RFX5: variants seen among roughly 807,000 people sequenced by gnomAD.
The protein encoded by RFX5 is DNA-binding protein RFX5.
Under a neutral mutation model 41.2 loss-of-function variants are expected in RFX5, and 30 were observed. That is an observed-to-expected ratio of 0.73 (90% CI 0.54 to 0.99). The LOEUF (loss-of-function observed/expected upper bound fraction) is 0.99. Ranked by LOEUF, RFX5 falls within the 50% of genes least tolerant of loss-of-function variation. RFX5 has a pLI of 0.00. For missense variants in RFX5, 715 were observed against 773.6 expected, an observed-to-expected ratio of 0.92 and a Z score of 0.90; for synonymous variants, 231 against 291.8, an observed-to-expected ratio of 0.79 and a Z score of 2.12.
Position 151,342,835 on chromosome 1 carries a change from G to T in RFX5, c.1202C>A (p.Ala401Asp), listed in dbSNP as rs754036790. 1.2e-6 allele frequency: 2 copies of T among 1,613,978 alleles called. No homozygotes were observed. Among genetic ancestry groups the T allele is most frequent in the East Asian group, 4.5e-5 (2 of 44,894 alleles). The change falls in exon 11 of 11, where the codon GCT becomes GAT. Residue 401 changes from alanine to aspartate, a missense_variant. Physicochemically the swap from Ala to Asp is moderately radical, Grantham distance 126. Coordinates refer to ENST00000452671, the MANE Select transcript of RFX5 (RefSeq NM_001025603.2). ...LPGPGPGPGR[A>D]PPGGLTQPRG... ...GGGCTGAGTGAGTCCCCCAGGTGGAGCTCGCCCAGGCCCAGGTCCAGGTCC... is the reference window on the plus strand; with the variant it reads ...GGGCTGAGTGAGTCCCCCAGGTGGATCTCGCCCAGGCCCAGGTCCAGGTCC...
In RFX5 at chr1:151,342,220, T is replaced by C; in HGVS notation, c.1817A>G (p.Gln606Arg). The change falls in exon 11 of 11, where the codon CAG becomes CGG. Residue 606 changes from glutamine (Q) to arginine (R), a missense_variant. Physicochemically the swap from Gln to Arg is conservative, Grantham distance 43 (BLOSUM62 1). Transcript: ENST00000452671. ...TGTTGCTTTTGGGTCTTTATGCTCC[T>C]GGGATAAGGAACTTTGAAGCACATG... ...KEHVLQSSLSQEHKDPKATPP is the reference protein window; with the variant it reads ...KEHVLQSSLSREHKDPKATPP The C allele has an allele frequency of 6.2e-7, 1 of 1,614,230 alleles. No homozygotes were observed.
At chr1:151,345,359 C>T (rs2102068488) in intron 4 of RFX5, 171 bp from the exon 5 acceptor site, 1 of 578,086 alleles carries the variant, frequency 1.7e-6, no homozygotes, top group East Asian at 3.5e-5. Flanking sequence ...CCTACAATCC[C>T]AGCACTTTGG....
chr1:151,343,005 GATTGGCGGA>G lies in RFX5; in HGVS notation c.1023_1031del (p.Pro343_Pro345del), dbSNP rs1365912537. 7 of 1,613,804 alleles carry G rather than the reference GATTGGCGGA, an allele frequency of 4.3e-6. No homozygotes were observed. The highest frequency in any genetic ancestry group is 5.9e-6 in the Non-Finnish European group (7 of 1,179,910). ...GGGCCAGAATAGGTGGAGAGACTGG[GATTGGCGGA>G]ATTAGTGAGCGAGGGGCCCGGGGAA... On this transcript the variant is annotated inframe_deletion, in exon 11 of 11. Coordinates refer to ENST00000452671, the MANE Select transcript of RFX5 (RefSeq NM_001025603.2).
Position 151,342,531 on chromosome 1 carries a change from T to C in RFX5, c.1506A>G (p.Thr502=). Residue 502 remains threonine, a synonymous_variant, in exon 11 of 11, where the codon ACA becomes ACG. Coordinates refer to ENST00000452671, the MANE Select transcript of RFX5 (RefSeq NM_001025603.2). ...AGTTGCCTTCCCCTCCTGAGCCCCATGTCTCCCATGGTAACCTTGAGGACT... is the reference window on the plus strand; with the variant it reads ...AGTTGCCTTCCCCTCCTGAGCCCCACGTCTCCCATGGTAACCTTGAGGACT... ...SAQSSRLPWE[T]WGSGGEGNSA... is the part of the protein sequence containing the mutation. The C allele has an allele frequency of 1.9e-6, 3 of 1,614,122 alleles. No homozygotes were observed. The East Asian group carries it at 6.7e-5, about 36-fold the overall frequency.
At chr1:151,343,503 G>T (rs1310085808) in intron 9 of RFX5, 61 bp from the exon 10 acceptor site, 13 of 1,531,318 alleles carry the variant, frequency 8.5e-6, no homozygotes, top group Non-Finnish European at 1.1e-5. Flanking sequence ...GAATAGGGGA[G>T]TGAGGCAATT....
intron 3 of RFX5, 57 bp from the exon 4 acceptor site, chr1:151,346,018 T>TG (rs773563244): frequency 6.2e-7 from 1 of 1,613,402 alleles, no homozygotes; most frequent in Non-Finnish European, 8.5e-7. Flanking sequence ...TGTCTCTTTA[T>TG]CTGACTGCTA....
intron 6 of RFX5, 25 bp downstream of exon 6, chr1:151,344,703 T>TCCCCCCCCCCCCCCCCCCCCCCC: frequency 6.6e-7 from 1 of 1,515,660 alleles, no homozygotes; most frequent in Non-Finnish European, 8.9e-7. Flanking sequence ...AATCCACTCA[T>TCCCCCCCCCCCCCCCCCCCCCCC]CCCACCACCC....
chr1:151,344,150 T>C, intron 8 of RFX5, 47 bp downstream of exon 8: 2 of 1,593,090 alleles, frequency 1.3e-6, no homozygotes, highest in Non-Finnish European at 1.7e-6. Context: ...ACCTCTGACT[T>C]TTACCTGGGA....
At chr1:151,345,670 T>C (rs936077247) in intron 4 of RFX5, among the ~76,000 whole-genome samples, 2 of 151,370 alleles carry the variant, frequency 1.3e-5, no homozygotes, top group African/African-American at 2.4e-5. Flanking sequence ...AGGAGCCCTA[T>C]AGGCTACCAT....
chr1:151,346,763 A>G (rs1243097806), intron 1 of RFX5, 157 bp from the exon 2 acceptor site: 1 of 202,492 alleles, frequency 4.9e-6, no homozygotes, highest in East Asian at 1.3e-4. Context: ...ACCATTGCAT[A>G]TGCCTGGGAG....
At position 151,344,717 on chromosome 1, in the gene RFX5, C is replaced by T. The variant is rs780570991; in HGVS notation, c.353+11G>A. On this transcript the variant is annotated intron_variant, in intron 6 of 10. Transcript: ENST00000452671. Reference sequence around the variant, plus strand: ...CAATCCACTCATCCCACCACCCACCCCTCCACCCACCGATAGGCATCATAA... The same window carrying T: ...CAATCCACTCATCCCACCACCCACCTCTCCACCCACCGATAGGCATCATAA... 1 of 1,556,868 alleles carries T rather than the reference C, an allele frequency of 6.4e-7. No individual in the cohort carries two copies. The highest frequency in any genetic ancestry group is 1.4e-5 in the African/African-American group (1 of 73,396).
At chr1:151,346,137 A>G (rs1651030496) in intron 3 of RFX5, 68 bp downstream of exon 3, 2 of 1,569,634 alleles carry the variant, frequency 1.3e-6, no homozygotes, top group Non-Finnish European at 1.8e-6. Context: ...ATCTACAGCC[A>G]AAGTGAAGTG....
rs1333519063 is a variant in RFX5, at chr1:151,341,498, T to C, written c.*688A>G. On this transcript the variant is annotated 3_prime_UTR_variant, in exon 11 of 11. Coordinates refer to ENST00000452671, the MANE Select transcript of RFX5 (RefSeq NM_001025603.2). ...TTTTCCCCAAAGGTGTTGTCCATGA[T>C]ATAGAATAAGCAAATTAGCATGTAT... 1 of 157,484 alleles carries C rather than the reference T, an allele frequency of 6.3e-6. No homozygotes were observed. The highest frequency in any genetic ancestry group is 1.4e-5 in the Non-Finnish European group (1 of 71,322). 9.8% of individuals were successfully genotyped at this position (157,484 alleles called of 1,614,324 possible).
chr1:151,347,108 A>G (rs918174407), intron 1 of RFX5, 103 bp downstream of exon 1: 3 of 152,334 alleles, frequency 2.0e-5, no homozygotes, highest in Non-Finnish European at 2.9e-5. Context: ...TACAGCTACA[A>G]TCTTTTTCTG....
In RFX5 at chr1:151,345,178, T is replaced by C; in HGVS notation, c.161A>G (p.Gln54Arg). Reference sequence around the variant, plus strand: ...CAGCTTGTCATTGTCAGAAAATTTCTGTACATCTTGCTGAGGTAGGAGAGA... The same window carrying C: ...CAGCTTGTCATTGTCAGAAAATTTCCGTACATCTTGCTGAGGTAGGAGAGA... ...NKVEGILQDV[Q>R]KFSDNDKLYL... Residue 54 changes from glutamine to arginine, a missense_variant, in exon 5 of 11, where the codon CAG (glutamine) becomes CGG (arginine). Transcript: ENST00000452671. The C allele has an allele frequency of 6.2e-7, 1 of 1,613,786 alleles. No individual in the cohort carries two copies. Among genetic ancestry groups the C allele is most frequent in the Non-Finnish European group, 8.5e-7 (1 of 1,179,706 alleles).
chr1:151,344,076 C>T (rs1650772088), intron 8 of RFX5, 121 bp downstream of exon 8: 7 of 1,166,220 alleles, frequency 6.0e-6, no homozygotes, highest in Non-Finnish European at 8.9e-6. Context: ...CAGAAGGGAA[C>T]ATCATACCTA....
chr1:151,344,294 G>T lies in RFX5; in HGVS notation c.474-16C>A. 2 of 1,614,094 alleles carry T rather than the reference G, an allele frequency of 1.2e-6. No homozygotes were observed. Among genetic ancestry groups the T allele is most frequent in the South Asian group, 1.1e-5 (1 of 91,034 alleles). ...GTAGCAATATCTGATGCAAGTTAAA[G>T]AGCAGCCAACACATGGCGATCTCCA... On this transcript the variant is annotated splice_polypyrimidine_tract_variant and intron_variant, in intron 7 of 10. Coordinates refer to ENST00000452671, the MANE Select transcript of RFX5 (RefSeq NM_001025603.2).
chr1:151,346,351 A>C lies in RFX5; in HGVS notation c.-13-18T>G. The C allele has an allele frequency of 6.3e-7, 1 of 1,598,690 alleles. No individual in the cohort carries two copies. Reference sequence around the variant, plus strand: ...CATGAGGGCTAGAATTGAGAGGGACAGGCATAAAGATGTAACTCACACTGG... The same window carrying C: ...CATGAGGGCTAGAATTGAGAGGGACCGGCATAAAGATGTAACTCACACTGG... On this transcript the variant is annotated intron_variant, in intron 2 of 10. Transcript: ENST00000452671.
chr1:151,342,694 G>A lies in RFX5; in HGVS notation c.1343C>T (p.Ala448Val), dbSNP rs1650570010. The A allele has an allele frequency of 1.2e-6, 2 of 1,614,104 alleles. No individual in the cohort carries two copies. Among genetic ancestry groups the A allele is most frequent in the Admixed American group, 1.7e-5 (1 of 60,002 alleles). ...CTCTATATCCTGCTTTGCTGCTTTA[G>A]CTGGTGGAGCCTGCCCACTGGCCTC... ...VSEASGQAPP[A>V]KAAKQDIEDT... The change falls in exon 11 of 11, where the codon GCT becomes GTT. Residue 448 changes from alanine to valine, a missense_variant. Transcript: ENST00000452671.
Sources: gnomAD v4.1 joint callset for allele counts (sites outside exome capture counted in the v4.1 genomes callset) on GRCh38, gnomAD v4.1.1 for gene constraint, MANE v1.5 for transcripts, NCBI Gene and HGNC (gene_info 2026-07-23, HGNC 2026-07-21) for gene names.